The following CACNA1C variants were observed in gnomAD, a reference collection of about 807,000 sequenced individuals.
The protein encoded by CACNA1C is calcium voltage-gated channel subunit alpha1 C, also known as voltage-dependent L-type calcium channel subunit alpha-1C.
Under a neutral mutation model 229.0 loss-of-function variants are expected in CACNA1C, and 30 were observed. The ratio of observed to expected loss-of-function variants is 0.13; its 90% CI spans 0.10 to 0.18. The LOEUF is 0.18. Among genes scored for constraint, CACNA1C ranks in the 10% least tolerant of loss-of-function variants. The pLI is 1.00. For synonymous variants in CACNA1C, 1,114 were observed against 1,132.5 expected (o/e 0.98, Z 0.33); for missense variants, 1,658 against 2,845.0 (o/e 0.58, Z 9.49).
At chr12:2,149,291 A>G (rs963374464) in intron 3 of CACNA1C, among the ~76,000 whole-genome samples, 3 of 152,204 alleles carry the variant, frequency 2.0e-5, no homozygotes, top group Non-Finnish European at 4.4e-5. Flanking sequence ...AGTGTGAAGA[A>G]TCAAGCTGAG....
chr12:2,184,259 G>C lies in CACNA1C; in HGVS notation c.477+63829G>C, dbSNP rs113749520. Among the ~76,000 whole-genome samples, 2 of 152,216 alleles carry C rather than the reference G, an allele frequency of 1.3e-5. 1 individual carries two copies. Among genetic ancestry groups the C allele is most frequent in the Admixed American group, 1.3e-4 (2 of 15,290 alleles). ...TATTTAATGTGTCTTCTGAAGCCAC[G>C]AGGCCTCGGCTTTGTAACTTGCTTT... is the stretch of plus-strand genomic sequence containing the variant. On this transcript the variant is annotated intron_variant, in intron 3 of 46. Transcript: ENST00000399655.
At chr12:2,465,111 GC>G (rs2099541982) in intron 5 of CACNA1C, among the ~76,000 whole-genome samples, 1 of 152,166 alleles carries the variant, frequency 6.6e-6, no homozygotes, top group Non-Finnish European at 1.5e-5. Context: ...GTTAAGGCAC[GC>G]AAAGCACTTT....
chr12:2,014,256 TG>T (rs1253266576), intron 1 of CACNA1C, among the ~76,000 whole-genome samples: 1 of 145,138 alleles, frequency 6.9e-6, no homozygotes, highest in Admixed American at 6.9e-5. Context: ...AACAACAAAC[TG>T]TCAGAAAAAT....
At chr12:2,071,172 C>CCCTCCCTCCCTTCCTG (rs1555115765) in intron 1 of CACNA1C, among the ~76,000 whole-genome samples, 11 of 16,042 alleles carry the variant, frequency 6.9e-4, no homozygotes, top group Admixed American at 1.9e-3. Flanking sequence ...CTCCCTCCCT[C>CCCTCCCTCCCTTCCTG]CCTGCCTGCC....
In CACNA1C at chr12:2,090,827, C is replaced by T. The variant is rs546614206; in HGVS notation, c.50-24397C>T. Among the ~76,000 whole-genome samples, 357 of 152,282 alleles carry T rather than the reference C, an allele frequency of 2.3e-3. 4 individuals carry two copies. Among genetic ancestry groups the T allele is most frequent in the African/African-American group, 8.1e-3 (337 of 41,546 alleles). On this transcript the variant is annotated intron_variant, in intron 1 of 46. Transcript: ENST00000399655. ...TGAGGAATCGCCATACAGTTTTCCACGGTGGCTGCTCCATTTTACTTTCCC... is the reference window on the plus strand; with the variant it reads ...TGAGGAATCGCCATACAGTTTTCCATGGTGGCTGCTCCATTTTACTTTCCC...
intron 34 of CACNA1C, among the ~76,000 whole-genome samples, chr12:2,657,129 G>A (rs1186997647): frequency 6.6e-6 from 1 of 152,052 alleles, no homozygotes; most frequent in East Asian, 1.9e-4. Flanking sequence ...TACTTCCACA[G>A]AATGAAAAAT....
At chr12:2,458,966 G>T (rs1203860701) in intron 5 of CACNA1C, among the ~76,000 whole-genome samples, 3 of 148,250 alleles carry the variant, frequency 2.0e-5, no homozygotes, top group African/African-American at 7.4e-5. Flanking sequence ...TGATTGTCTT[G>T]GATTCTTTTT....
chr12:2,471,870 G>A (rs1384598404), intron 5 of CACNA1C, among the ~76,000 whole-genome samples: 1 of 152,092 alleles, frequency 6.6e-6, no homozygotes, highest in African/African-American at 2.4e-5. Context: ...TAATAGAGAC[G>A]GGGTTTCACC....
intron 3 of CACNA1C, among the ~76,000 whole-genome samples, chr12:2,248,644 G>A (rs1415552108): frequency 6.6e-6 from 1 of 152,246 alleles, no homozygotes; most frequent in African/African-American, 2.4e-5. Context: ...TCACGCTCCC[G>A]TGTTCAAAGC....
At chr12:2,674,519 G>A in intron 38 of CACNA1C, 22 bp from the exon 39 acceptor site, 1 of 1,551,968 alleles carries the variant, frequency 6.4e-7, no homozygotes. Flanking sequence ...CCAAGGGGCT[G>A]AGGATCCTTT....
intron 38 of CACNA1C, among the ~76,000 whole-genome samples, chr12:2,673,936 T>A (rs1028125101): frequency 6.6e-6 from 1 of 152,182 alleles, no homozygotes; most frequent in Non-Finnish European, 1.5e-5. Context: ...TAGAATCCTG[T>A]CCCCTACATC....
intron 3 of CACNA1C, among the ~76,000 whole-genome samples, chr12:2,276,885 C>T (rs2088440682): frequency 6.6e-6 from 1 of 152,068 alleles, no homozygotes; most frequent in African/African-American, 2.4e-5. Flanking sequence ...ATCACTGGGG[C>T]AGGGACCAGG....
rs538976546 is a variant in CACNA1C, at chr12:2,285,764, G to A, written c.478-163212G>A. Among the ~76,000 whole-genome samples, 3 of 152,282 alleles carry A rather than the reference G, an allele frequency of 2.0e-5. No individual in the cohort carries two copies. Among genetic ancestry groups the A allele is most frequent in the South Asian group, 2.1e-4 (1 of 4,820 alleles). ...GTTGCTAACGTGCTCATTCGAGAGA[G>A]GCTGGTGCGCACCTACCCAGCGGCT... On this transcript the variant is annotated intron_variant, in intron 3 of 46. Transcript: ENST00000399655. The surrounding 1 kb of genome is among the most constrained non-coding windows in gnomAD (Gnocchi z 4.2).
rs1200047940 is a variant in CACNA1C, at chr12:2,337,102, G to A, written c.478-111874G>A. On this transcript the variant is annotated intron_variant, in intron 3 of 46. Transcript: ENST00000399655. ...TACTAGGGGACTGGTTTCCATCCTC[G>A]AGAAGCCCACAGGCTTGTGGGAGGA... is the stretch of plus-strand genomic sequence containing the variant. Among the ~76,000 whole-genome samples the A allele has an allele frequency of 2.0e-5, 3 of 152,162 alleles. No homozygotes were observed. In the East Asian group the frequency reaches 5.8e-4, roughly 29 times the overall value.
intron 3 of CACNA1C, among the ~76,000 whole-genome samples, chr12:2,347,720 T>C (rs1418830822): frequency 6.6e-6 from 1 of 152,256 alleles, no homozygotes; most frequent in African/African-American, 2.4e-5. Context: ...TCCATCCATG[T>C]GGCCAGGCCC....
At position 2,504,899 on chromosome 12, in the gene CACNA1C, A is replaced by C. The variant is rs1051356; in HGVS notation, c.1171A>C (p.Ile391Leu). Reference protein sequence around the residue: ...PWIYFVTLIIIGSFFVLNLVL... With the variant: ...PWIYFVTLIILGSFFVLNLVL... Reference sequence around the variant, plus strand: ...GATCTATTTTGTTACACTAATCATCATAGGGTCATTTTTTGTACTTAACTT... The same window carrying C: ...GATCTATTTTGTTACACTAATCATCCTAGGGTCATTTTTTGTACTTAACTT... Residue 391 changes from isoleucine to leucine, a missense_variant, in exon 8 of 47, where the codon ATA becomes CTA. Physicochemically the swap from Ile to Leu is conservative, Grantham distance 5. Around this residue, in one of 20 missense-constraint regions of CACNA1C, gnomAD observed 84 missense variants for 202.6 expected, o/e 0.41. Coordinates refer to ENST00000399655, the MANE Select transcript of CACNA1C (RefSeq NM_000719.7). This position sits in a 1 kb window ranked among gnomAD's most constrained non-coding sequence, Gnocchi z 6.8. The C allele has an allele frequency of 6.2e-7, 1 of 1,606,554 alleles. No individual in the cohort carries two copies. The highest frequency in any genetic ancestry group is 8.5e-7 in the Non-Finnish European group (1 of 1,174,716).
chr12:2,509,871 G>T (rs2099779809), intron 8 of CACNA1C, among the ~76,000 whole-genome samples: 1 of 152,194 alleles, frequency 6.6e-6, no homozygotes, highest in African/African-American at 2.4e-5. Flanking sequence ...GTCCACAGAT[G>T]ACTGAAAGTG....
intron 3 of CACNA1C, among the ~76,000 whole-genome samples, chr12:2,310,634 G>T (rs2095385287): frequency 1.3e-5 from 2 of 152,140 alleles, no homozygotes; most frequent in African/African-American, 4.8e-5. Context: ...TGAAAGTCTG[G>T]AGTTGTTTCT....
At chr12:2,318,278 A>G (rs969383687) in intron 3 of CACNA1C, among the ~76,000 whole-genome samples, 9 of 152,196 alleles carry the variant, frequency 5.9e-5, no homozygotes, top group Non-Finnish European at 1.3e-4. Context: ...GGAGCTGTGG[A>G]GTGTAATTAC....
Sources: allele counts gnomAD v4.1 joint callset (sites outside exome capture counted in the v4.1 genomes callset), GRCh38; gene constraint gnomAD v4.1.1; regional missense constraint gnomAD v4.1.1; non-coding constraint Gnocchi (gnomAD v3.1); transcripts MANE v1.5; gene names NCBI Gene and HGNC (gene_info 2026-07-23, HGNC 2026-07-21).